The following GRIN2A variants were observed in gnomAD, a reference collection of about 807,000 sequenced individuals.
GRIN2A encodes glutamate ionotropic receptor NMDA type subunit 2A, also known as glutamate receptor ionotropic, NMDA 2A.
Under a neutral mutation model 113.4 loss-of-function variants are expected in GRIN2A, and 22 were observed. The observed-to-expected ratio is 0.19, with a 90% CI of 0.14 to 0.28. The LOEUF is 0.28. Ranked by LOEUF, GRIN2A falls within the 10% of genes least tolerant of loss-of-function variation. The pLI is 1.00. For synonymous variants in GRIN2A, 827 were observed against 738.4 expected, an observed-to-expected ratio of 1.12 and a Z score of -1.94; for missense variants, 1,502 against 1,887.0, an observed-to-expected ratio of 0.80 and a Z score of 3.78.
In GRIN2A at chr16:9,945,127, T is replaced by C. The variant is rs141170757; in HGVS notation, c.415-6576A>G. Among the ~76,000 whole-genome samples the C allele has an allele frequency of 7.9e-3, 1,207 of 152,234 alleles. 25 individuals are homozygous for C. Among genetic ancestry groups the C allele is most frequent in the African/African-American group, 0.028 (1,155 of 41,542 alleles). On this transcript the variant is annotated intron_variant, in intron 2 of 12. Coordinates refer to ENST00000330684, the MANE Select transcript of GRIN2A (RefSeq NM_001134407.3). ...CTTGAGGCCAGGAGTTTGAAACCAG[T>C]CTGGCCAACCCCAGAGTAAGACCCA...
At chr16:9,866,593 G>A (rs1004286980) in intron 4 of GRIN2A, among the ~76,000 whole-genome samples, 6 of 152,174 alleles carry the variant, frequency 3.9e-5, no homozygotes, top group Non-Finnish European at 8.8e-5. Flanking sequence ...AAATCCCTCT[G>A]ACTCAACACC....
At chr16:10,117,084 A>G (rs1255034659) in intron 2 of GRIN2A, among the ~76,000 whole-genome samples, 1 of 151,346 alleles carries the variant, frequency 6.6e-6, no homozygotes. Flanking sequence ...AAAGTAGCTA[A>G]GCTTACTCCA....
At chr16:9,892,643 A>C (rs1460370243) in intron 3 of GRIN2A, among the ~76,000 whole-genome samples, 1 of 152,100 alleles carries the variant, frequency 6.6e-6, no homozygotes, top group African/African-American at 2.4e-5. Context: ...CAACATTTAT[A>C]CCCTCATCAC....
chr16:9,920,002 T>A (rs574370261), intron 3 of GRIN2A, among the ~76,000 whole-genome samples: 3 of 152,364 alleles, frequency 2.0e-5, no homozygotes, highest in African/African-American at 7.2e-5. Context: ...TCCATCCCTT[T>A]ACTCTCTGCT....
At chr16:10,092,438 G>C (rs56996739) in intron 2 of GRIN2A, among the ~76,000 whole-genome samples, 2,988 of 152,240 alleles carry the variant, frequency 0.02, 90 homozygotes, top group African/African-American at 0.069. Flanking sequence ...AGAGGTCTGA[G>C]GGTGCAGTGG....
At chr16:9,806,375 C>A (rs2041966982) in intron 10 of GRIN2A, among the ~76,000 whole-genome samples, 1 of 152,142 alleles carries the variant, frequency 6.6e-6, no homozygotes, top group African/African-American at 2.4e-5. Flanking sequence ...TAGTCAATAC[C>A]AAATTTCACC....
At chr16:9,895,522 A>C (rs992734886) in intron 3 of GRIN2A, among the ~76,000 whole-genome samples, 2 of 152,214 alleles carry the variant, frequency 1.3e-5, no homozygotes, top group South Asian at 2.1e-4. Context: ...GGAGGCTTGA[A>C]ATGCAAGTTT....
chr16:9,769,449 G>A (rs1205665965), intron 11 of GRIN2A, among the ~76,000 whole-genome samples: 1 of 89,128 alleles, frequency 1.1e-5, no homozygotes, highest in Admixed American at 1.6e-4. Flanking sequence ...TTGGAGTTTT[G>A]TCTTTTTTTT....
chr16:9,955,410 G>A (rs2045281506), intron 2 of GRIN2A, among the ~76,000 whole-genome samples: 1 of 152,084 alleles, frequency 6.6e-6, no homozygotes, highest in Admixed American at 6.5e-5. Context: ...TTTCCTAAGG[G>A]ATGTCTTCCA....
intron 10 of GRIN2A, among the ~76,000 whole-genome samples, chr16:9,802,852 G>A (rs1253336346): frequency 1.3e-5 from 2 of 152,072 alleles, no homozygotes; most frequent in African/African-American, 2.4e-5. Context: ...GTAATGTAGG[G>A]GGTCCCACGT....
intron 3 of GRIN2A, among the ~76,000 whole-genome samples, chr16:9,895,595 C>T (rs976803055): frequency 6.6e-6 from 1 of 152,162 alleles, no homozygotes; most frequent in African/African-American, 2.4e-5. Context: ...ATAGAGACGA[C>T]GGTCAAAGAA....
intron 2 of GRIN2A, among the ~76,000 whole-genome samples, chr16:10,052,382 G>A (rs145008271): frequency 1.7e-3 from 252 of 152,300 alleles, no homozygotes; most frequent in African/African-American, 5.5e-3. Flanking sequence ...TTGAACTTGG[G>A]CAGCTACAAA....
Position 9,904,423 on chromosome 16 carries a change from G to A in GRIN2A, c.1008-13323C>T, listed in dbSNP as rs545857546. On this transcript the variant is annotated intron_variant, in intron 3 of 12. Transcript: ENST00000330684. ...GTCTTGCTCTGTCACCCAGCCTGGA[G>A]TGCAGCAGCGTGATCTCAGCTTACT... Among the ~76,000 whole-genome samples, 6 of 152,174 alleles carry A rather than the reference G, an allele frequency of 3.9e-5. No homozygotes were observed. The South Asian group carries it at 1.3e-3, about 32-fold the overall frequency.
intron 4 of GRIN2A, among the ~76,000 whole-genome samples, chr16:9,884,192 T>G (rs1340687494): frequency 6.6e-6 from 1 of 152,214 alleles, no homozygotes; most frequent in Non-Finnish European, 1.5e-5. Flanking sequence ...TAAACAAATT[T>G]TTAAAAGCTA....
At chr16:10,036,288 A>C (rs1011004113) in intron 2 of GRIN2A, among the ~76,000 whole-genome samples, 3 of 152,016 alleles carry the variant, frequency 2.0e-5, no homozygotes, top group Non-Finnish European at 4.4e-5. Flanking sequence ...TGGAGGCTGA[A>C]AGTGTAAGAT....
intron 2 of GRIN2A, among the ~76,000 whole-genome samples, chr16:10,105,145 TGGAGAAGCC>T (rs2048472969): frequency 2.0e-5 from 1 of 51,058 alleles, no homozygotes; most frequent in African/African-American, 9.6e-5. Flanking sequence ...GATGGAAGCC[TGGAGAAGCC>T]TGGAGAAGCC....
At chr16:10,060,003 A>G (rs2047523816) in intron 2 of GRIN2A, among the ~76,000 whole-genome samples, 1 of 152,186 alleles carries the variant, frequency 6.6e-6, no homozygotes, top group African/African-American at 2.4e-5. Flanking sequence ...ACCAAAGTTC[A>G]GAAGCTGGGT....
rs758815434 is a variant in GRIN2A, at chr16:9,849,766, C to G, written c.1318G>C (p.Val440Leu). The G allele has an allele frequency of 1.2e-6, 2 of 1,613,822 alleles. No individual in the cohort carries two copies. The highest frequency in any genetic ancestry group is 2.2e-5 in the South Asian group (2 of 91,054). Residue 440 changes from valine (V) to leucine (L), a missense_variant, in exon 5 of 13, where the codon GTC becomes CTC. Val to Leu is a conservative substitution (Grantham distance 32). Coordinates refer to ENST00000330684, the MANE Select transcript of GRIN2A (RefSeq NM_001134407.3). Reference protein sequence around the residue: ...VRNTVPCRKFVKINNSTNEGM... With the variant: ...VRNTVPCRKFLKINNSTNEGM... ...ATTCCTGCCACTCACTTGATTTTGA[C>G]GAACTTCCGACATGGCACGGTGTTC...
In GRIN2A at chr16:9,758,036, C is replaced by T. The variant is rs1298862259; in HGVS notation, c.*5113G>A. 2.3e-5 allele frequency: 5 copies of T among 213,886 alleles called. No individual in the cohort carries two copies. The highest frequency in any genetic ancestry group is 1.4e-4 in the East Asian group (2 of 14,462). The allele number at this position is 213,886 out of a possible 1,614,324, so 13.2% of individuals were successfully genotyped here. On this transcript the variant is annotated 3_prime_UTR_variant, in exon 13 of 13. Coordinates refer to ENST00000330684, the MANE Select transcript of GRIN2A (RefSeq NM_001134407.3). ...TGAACCATGTCTTGGATCTAATCCT[C>T]GCTCTGATACTCTCTAACTTGATGA...
Sources: allele counts gnomAD v4.1 joint callset (sites outside exome capture counted in the v4.1 genomes callset), GRCh38; gene constraint gnomAD v4.1.1; transcripts MANE v1.5; gene names NCBI Gene and HGNC (gene_info 2026-07-23, HGNC 2026-07-21).